The following KMT2A variants were observed in gnomAD, a reference collection of about 807,000 sequenced individuals.
KMT2A encodes lysine methyltransferase 2A.
KMT2A carries 16 observed loss-of-function variants against 345.3 expected under a neutral mutation model. The ratio of observed to expected loss-of-function variants is 0.05; its 90% confidence interval spans 0.03 to 0.07. The LOEUF (loss-of-function observed/expected upper bound fraction) is 0.07, where lower values mean the gene tolerates loss of function less well. Among genes scored for constraint, KMT2A ranks in the 10% least tolerant of loss-of-function variants. The pLI is 1.00. For synonymous variants in KMT2A, 1,599 were observed against 1,778.6 expected, an observed-to-expected ratio of 0.90 and a Z score of 2.54; for missense variants, 3,272 against 4,841.6, an observed-to-expected ratio of 0.68 and a Z score of 9.62.
chr11:118,496,173 A>G lies in KMT2A; in HGVS notation c.5558-88A>G. ...ATAGGCTGTGGGCTATGTAAGCTGA[A>G]TTATTTCTTTTTTCCTTGAAATCAG... On this transcript the variant is annotated intron_variant, in intron 19 of 35. Coordinates refer to ENST00000534358, the MANE Select transcript of KMT2A (RefSeq NM_001197104.2). This position sits in a 1 kb window ranked among gnomAD's most constrained non-coding sequence, Gnocchi z 4.7. 2.0e-6 allele frequency: 2 copies of G among 1,023,564 alleles called. No individual in the cohort carries two copies. Among genetic ancestry groups the G allele is most frequent in the Admixed American group, 1.8e-5 (1 of 54,488 alleles). The allele number at this position is 1,023,564 out of a possible 1,614,324, so 63.4% of individuals were successfully genotyped here. A position where few individuals can be genotyped will look rare whatever the true frequency, so the allele number is the denominator to read the frequency against.
rs1036236249 is a variant in KMT2A at position 118,522,140 on chromosome 11, G to A, written c.11887G>A (p.Gly3963Ser). 1.9e-6 allele frequency: 3 copies of A among 1,614,168 alleles called. No homozygotes were observed. The Admixed American group carries it at 5.0e-5, about 27-fold the overall frequency. ...DASNKLPCNC[G>S]AKKCRKFLN is the part of the protein sequence containing the mutation. ...CAGCAACAAGCTGCCCTGCAACTGTGGCGCCAAGAAATGCCGGAAGTTCCT... is the reference window on the plus strand; with the variant it reads ...CAGCAACAAGCTGCCCTGCAACTGTAGCGCCAAGAAATGCCGGAAGTTCCT... Residue 3963 changes from glycine (G) to serine (S), a missense_variant, in exon 36 of 36, where the codon GGC becomes AGC. Gly to Ser is a moderately conservative substitution (Grantham distance 56). Coordinates refer to ENST00000534358, the MANE Select transcript of KMT2A (RefSeq NM_001197104.2). This position sits in a 1 kb window ranked among gnomAD's most constrained non-coding sequence, Gnocchi z 5.4.
chr11:118,437,678 C>T (rs997963080), intron 1 of KMT2A, among the ~76,000 whole-genome samples: 1 of 151,222 alleles, frequency 6.6e-6, no homozygotes, highest in East Asian at 1.9e-4. Flanking sequence ...AGTCTCTTCC[C>T]CCCCCCGCCC....
Position 118,495,794 on chromosome 11 carries a change from C to A in KMT2A, c.5458C>A (p.Pro1820Thr), listed in dbSNP as rs1555043809. The change falls in exon 19 of 36, where the codon CCT (proline) becomes ACT (threonine). Residue 1820 changes from proline (P) to threonine (T), a missense_variant. Physicochemically the swap from Pro to Thr is conservative, Grantham distance 38. Around this residue, in one of 27 missense-constraint regions of KMT2A, gnomAD observed 235 missense variants for 503.4 expected, o/e 0.47. Coordinates refer to ENST00000534358, the MANE Select transcript of KMT2A (RefSeq NM_001197104.2). The surrounding 1 kb of genome is among the most constrained non-coding windows in gnomAD (Gnocchi z 4.1). ...EREENSHTEQ[P>T]PLMKKIIPAP... ...AGAGGAAAACAGCCACACTGAGCAG[C>A]CTCCTTTAATGAAGAAAATCATTCC... The A allele has an allele frequency of 6.2e-7, 1 of 1,614,076 alleles. No homozygotes were observed. The highest frequency in any genetic ancestry group is 1.1e-5 in the South Asian group (1 of 91,076).
chr11:118,474,774 C>T lies in KMT2A; in HGVS notation c.3156+459C>T, dbSNP rs530017751. ...ATAGAAAACCGGAGGGGAGCATTCTCTTCCTCTGAGTAGTGAGGGATTGGA... is the reference window on the plus strand; with the variant it reads ...ATAGAAAACCGGAGGGGAGCATTCTTTTCCTCTGAGTAGTGAGGGATTGGA... On this transcript the variant is annotated intron_variant, in intron 3 of 35. Coordinates refer to ENST00000534358, the MANE Select transcript of KMT2A (RefSeq NM_001197104.2). 5.3e-5 allele frequency among the ~76,000 whole-genome samples: 8 copies of T among 152,326 alleles called. No individual in the cohort carries two copies. The South Asian group carries it at 1.7e-3, about 32-fold the overall frequency.
At chr11:118,480,597 C>T (rs139108099) in intron 6 of KMT2A, among the ~76,000 whole-genome samples, 41 of 152,132 alleles carry the variant, frequency 2.7e-4, no homozygotes, top group African/African-American at 8.2e-4. Context: ...CACATTTCTA[C>T]GCTTCTATTT....
In KMT2A at chr11:118,472,289, A is replaced by G; in HGVS notation, c.1130A>G (p.Gln377Arg). 2 of 1,614,212 alleles carry G rather than the reference A, an allele frequency of 1.2e-6. No individual in the cohort carries two copies. The highest frequency in any genetic ancestry group is 1.7e-6 in the Non-Finnish European group (2 of 1,180,048). The change falls in exon 3 of 36, where the codon CAG becomes CGG. Residue 377 changes from glutamine (Q) to arginine (R), a missense_variant. Transcript: ENST00000534358. Reference protein sequence around the residue: ...TDATIAKQLLQRAKKGAQKKI... With the variant: ...TDATIAKQLLRRAKKGAQKKI... ...GCAACCATTGCTAAGCAACTCTTAC[A>G]GAGGGCAAAAAAGGGGGCTCAAAAG... is the stretch of plus-strand genomic sequence containing the variant.
chr11:118,450,225 TAA>T (rs1329910260), intron 1 of KMT2A: 3 of 152,080 alleles, frequency 2.0e-5, no homozygotes, highest in African/African-American at 7.2e-5. Flanking sequence ...TTTTTTTTTT[TAA>T]AGATTCTGCA....
intron 2 of KMT2A, among the ~76,000 whole-genome samples, chr11:118,469,997 G>T (rs1203004918): frequency 6.6e-6 from 1 of 152,158 alleles, no homozygotes. Context: ...GAATTAGAGA[G>T]ATCATCTGGG....
chr11:118,483,375 AC>A (rs1483784402), intron 8 of KMT2A, among the ~76,000 whole-genome samples: 1 of 98 alleles, frequency 0.01, no homozygotes, highest in African/African-American at 0.042. Flanking sequence ...TACTAAAAAT[AC>A]AAAAAAATTA....
rs1591319203 is a variant in KMT2A at position 118,526,605 on chromosome 11, T to C, written c.*4433T>C. The C allele has an allele frequency of 4.4e-6, 1 of 227,514 alleles. No individual in the cohort carries two copies. Among genetic ancestry groups the C allele is most frequent in the Non-Finnish European group, 8.6e-6 (1 of 116,268 alleles). 14.1% of individuals were successfully genotyped at this position (227,514 alleles called of 1,614,324 possible). A position where few individuals can be genotyped will look rare whatever the true frequency, so the allele number is the denominator to read the frequency against. The stretch of plus-strand genomic sequence containing the variant: ...AAAAGAGAAAAAAAAAAAAGGAAAA[T>C]GTGTCTAAAGTCCATCAGTGTTAAC... On this transcript the variant is annotated 3_prime_UTR_variant, in exon 36 of 36. Coordinates refer to ENST00000534358, the MANE Select transcript of KMT2A (RefSeq NM_001197104.2).
Position 118,484,115 on chromosome 11 carries a change from T to G in KMT2A, c.4087-68T>G. On this transcript the variant is annotated intron_variant, in intron 8 of 35. Coordinates refer to ENST00000534358, the MANE Select transcript of KMT2A (RefSeq NM_001197104.2). This position sits in a 1 kb window ranked among gnomAD's most constrained non-coding sequence, Gnocchi z 4.1. Reference sequence around the variant, plus strand: ...TTAATAAAATTTGTCATTTGCATTATTATCTGTTGCAAATGTGAAGGCAAA... The same window carrying G: ...TTAATAAAATTTGTCATTTGCATTAGTATCTGTTGCAAATGTGAAGGCAAA... 7.0e-7 allele frequency: 1 copy of G among 1,423,532 alleles called. No individual in the cohort carries two copies. The highest frequency in any genetic ancestry group is 2.3e-5 in the East Asian group (1 of 43,652). The allele number at this position is 1,423,532 out of a possible 1,614,324, so 88.2% of individuals were successfully genotyped here. A position where few individuals can be genotyped will look rare whatever the true frequency, so the allele number is the denominator to read the frequency against.
intron 10 of KMT2A, among the ~76,000 whole-genome samples, chr11:118,485,477 A>G (rs1950211920): frequency 6.6e-6 from 1 of 152,152 alleles, no homozygotes; most frequent in Non-Finnish European, 1.5e-5. Context: ...TTAGCCCTCT[A>G]GTGACCAAAA....
In KMT2A at chr11:118,505,911, G is replaced by A. The variant is rs1555048069; in HGVS notation, c.10019G>A (p.Ser3340Asn). 6.2e-7 allele frequency: 1 copy of A among 1,614,186 alleles called. No homozygotes were observed. Among genetic ancestry groups the A allele is most frequent in the South Asian group, 1.1e-5 (1 of 91,078 alleles). ...TSGSVSGLAS[S>N]SSVLNVVSMQ... Reference sequence around the variant, plus strand: ...GGGTCTGTGTCTGGCTTGGCATCCAGTTCCTCTGTCTTGAATGTTGTATCC... The same window carrying A: ...GGGTCTGTGTCTGGCTTGGCATCCAATTCCTCTGTCTTGAATGTTGTATCC... The change falls in exon 27 of 36, where the codon AGT (serine) becomes AAT (asparagine). Residue 3340 changes from serine to asparagine, a missense_variant. By Grantham distance (46) the Ser-to-Asn change is conservative. Coordinates refer to ENST00000534358, the MANE Select transcript of KMT2A (RefSeq NM_001197104.2). This position sits in a 1 kb window ranked among gnomAD's most constrained non-coding sequence, Gnocchi z 4.6.
chr11:118,496,010 CA>C lies in KMT2A; in HGVS notation c.5557+118del. 3 of 969,678 alleles carry C rather than the reference CA, an allele frequency of 3.1e-6. No homozygotes were observed. Among genetic ancestry groups the C allele is most frequent in the Non-Finnish European group, 4.7e-6 (3 of 639,502 alleles). 60.1% of individuals were successfully genotyped at this position (969,678 alleles called of 1,614,324 possible). A position where few individuals can be genotyped will look rare whatever the true frequency, so the allele number is the denominator to read the frequency against. On this transcript the variant is annotated intron_variant, in intron 19 of 35. Coordinates refer to ENST00000534358, the MANE Select transcript of KMT2A (RefSeq NM_001197104.2). This position sits in a 1 kb window ranked among gnomAD's most constrained non-coding sequence, Gnocchi z 4.7. ...GGATATCAGAAAGGAATTTTCAGGT[CA>C]TCCTTAAATGTAATACCATCATTAA...
intron 1 of KMT2A, among the ~76,000 whole-genome samples, chr11:118,451,502 C>T (rs1178172646): frequency 2.6e-5 from 4 of 152,200 alleles, no homozygotes; most frequent in African/African-American, 9.7e-5. Flanking sequence ...ATTCTCGTGC[C>T]TCAGCCTCCT....
chr11:118,475,489 C>T (rs1433151139), intron 3 of KMT2A, among the ~76,000 whole-genome samples: 4 of 152,078 alleles, frequency 2.6e-5, no homozygotes, highest in African/African-American at 9.7e-5. Flanking sequence ...TTTGGGAGGC[C>T]GAGGCAGGTG....
chr11:118,464,859 G>T (rs1181641454), intron 1 of KMT2A, among the ~76,000 whole-genome samples: 1 of 152,210 alleles, frequency 6.6e-6, no homozygotes, highest in Non-Finnish European at 1.5e-5. Flanking sequence ...CATTTTGCTT[G>T]TTGACTTTCT....
chr11:118,455,348 C>G (rs1190385709), intron 1 of KMT2A, among the ~76,000 whole-genome samples: 3 of 152,146 alleles, frequency 2.0e-5, no homozygotes, highest in Admixed American at 2.0e-4. Context: ...GATTGAGTGA[C>G]AGTCATATTT....
chr11:118,457,461 C>T (rs782221510), intron 1 of KMT2A, among the ~76,000 whole-genome samples: 1 of 151,130 alleles, frequency 6.6e-6, no homozygotes, highest in Non-Finnish European at 1.5e-5. Context: ...TTAGTAGAGA[C>T]AGGGTTTCAC....
Sources: gnomAD v4.1 joint callset for allele counts (sites outside exome capture counted in the v4.1 genomes callset) on GRCh38, gnomAD v4.1.1 for gene constraint, gnomAD v4.1.1 regional missense constraint, Gnocchi (gnomAD v3.1) non-coding constraint, MANE v1.5 for transcripts, NCBI Gene and HGNC (gene_info 2026-07-23, HGNC 2026-07-21) for gene names.